RNF180: variants seen among roughly 807,000 people sequenced by gnomAD.
The protein encoded by RNF180 is ring finger protein 180.
Under a neutral mutation model 59.2 loss-of-function variants are expected in RNF180, and 38 were observed. The ratio of observed to expected loss-of-function variants is 0.64; its 90% confidence interval spans 0.50 to 0.84. The LOEUF is 0.84. Ranked by LOEUF, RNF180 falls within the 40% of genes least tolerant of loss-of-function variation. RNF180 has a pLI of 0.00. For missense variants in RNF180, 705 were observed against 700.9 expected, an observed-to-expected ratio of 1.01 and a Z score of -0.07; for synonymous variants, 262 against 240.3, an observed-to-expected ratio of 1.09 and a Z score of -0.84.
intron 1 of RNF180, among the ~76,000 whole-genome samples, chr5:64,178,814 T>TC: frequency 6.6e-6 from 1 of 152,340 alleles, no homozygotes; most frequent in East Asian, 1.9e-4. Context: ...TTTTTCTAAA[T>TC]CAATCAGCGT....
At chr5:64,347,085 T>C (rs1745587728) in intron 7 of RNF180, among the ~76,000 whole-genome samples, 1 of 152,198 alleles carries the variant, frequency 6.6e-6, no homozygotes, top group Non-Finnish European at 1.5e-5. Flanking sequence ...GCATGGCTAT[T>C]GTCCATTTGT....
chr5:64,305,824 T>A (rs771234814), intron 5 of RNF180, among the ~76,000 whole-genome samples: 25 of 151,590 alleles, frequency 1.6e-4, no homozygotes, highest in Non-Finnish European at 3.2e-4. Context: ...AAGGATCTAG[T>A]TAAGAGATCT....
chr5:64,283,421 A>G (rs533216255), intron 5 of RNF180, among the ~76,000 whole-genome samples: 1 of 151,964 alleles, frequency 6.6e-6, no homozygotes, highest in East Asian at 1.9e-4. Flanking sequence ...TTGCTTCTTT[A>G]TCTAGTTTGT....
chr5:64,228,758 C>T (rs1292978638), intron 5 of RNF180, among the ~76,000 whole-genome samples: 2 of 151,902 alleles, frequency 1.3e-5, no homozygotes. Flanking sequence ...GATCACTCAC[C>T]TTTGTTCTCC....
In RNF180 at chr5:64,369,907, G is replaced by A. The variant is rs888770233; in HGVS notation, c.*93G>A. 1 of 656,988 alleles carries A rather than the reference G, an allele frequency of 1.5e-6. No individual in the cohort carries two copies. Among genetic ancestry groups the A allele is most frequent in the African/African-American group, 1.9e-5 (1 of 53,256 alleles). 40.7% of individuals were successfully genotyped at this position (656,988 alleles called of 1,614,324 possible). A position where few individuals can be genotyped will look rare whatever the true frequency, so the allele number is the denominator to read the frequency against. On this transcript the variant is annotated 3_prime_UTR_variant, in exon 8 of 8. Transcript: ENST00000389100. ...AAATGTGCTTTGAAGTTTTTTTAATGTTGCATTATACAAATTGTTGATGTT... is the reference window on the plus strand; with the variant it reads ...AAATGTGCTTTGAAGTTTTTTTAATATTGCATTATACAAATTGTTGATGTT...
chr5:64,177,488 T>C (rs1359933114), intron 1 of RNF180, among the ~76,000 whole-genome samples: 1 of 142,556 alleles, frequency 7.0e-6, no homozygotes, highest in Non-Finnish European at 1.5e-5. Context: ...CATGAACTTG[T>C]TCTCTATCTA....
At chr5:64,346,381 T>C (rs1486966937) in intron 7 of RNF180, among the ~76,000 whole-genome samples, 4 of 142,156 alleles carry the variant, frequency 2.8e-5, no homozygotes, top group Admixed American at 2.8e-4. Context: ...TTTTTTTTTT[T>C]TTTTTCTGAG....
At chr5:64,348,676 A>C (rs1210905087) in intron 7 of RNF180, among the ~76,000 whole-genome samples, 8 of 152,088 alleles carry the variant, frequency 5.3e-5, no homozygotes. Context: ...TTGTCATTAA[A>C]TTAATGGAGT....
chr5:64,318,649 T>C (rs900748945), intron 5 of RNF180, among the ~76,000 whole-genome samples: 11 of 152,176 alleles, frequency 7.2e-5, no homozygotes, highest in African/African-American at 2.2e-4. Flanking sequence ...GTGATACTTA[T>C]TCTGTTTCTT....
intron 5 of RNF180, among the ~76,000 whole-genome samples, chr5:64,231,880 A>G (rs1742122096): frequency 6.6e-6 from 1 of 152,250 alleles, no homozygotes; most frequent in South Asian, 2.1e-4. Context: ...TTTATGAGTC[A>G]AAGAGTAGTG....
chr5:64,226,926 T>G (rs1001546093), intron 5 of RNF180, among the ~76,000 whole-genome samples: 4 of 152,096 alleles, frequency 2.6e-5, no homozygotes, highest in Admixed American at 2.6e-4. Context: ...GTCTTGCAAA[T>G]TGCCAGGAAA....
rs767797938 is a variant in RNF180 at position 64,213,822 on chromosome 5, T to C, written c.496T>C (p.Leu166=). ...CTCTGAAAACAGAAATCACAGGCTT[T>C]TAAACATGGCCCGAAATAATAATGA... ...GGSENRNHRL[L]NMARNNNDPG... is the part of the protein sequence containing the mutation. Residue 166 remains leucine, a synonymous_variant, in exon 4 of 8, where the codon TTA becomes CTA. Coordinates refer to ENST00000389100, the MANE Select transcript of RNF180 (RefSeq NM_001113561.2). The C allele has an allele frequency of 3.7e-6, 6 of 1,613,974 alleles. No individual in the cohort carries two copies. The highest frequency in any genetic ancestry group is 4.2e-6 in the Non-Finnish European group (5 of 1,179,992).
intron 7 of RNF180, among the ~76,000 whole-genome samples, chr5:64,360,870 A>T (rs1268102487): frequency 6.6e-6 from 1 of 151,598 alleles, no homozygotes; most frequent in Admixed American, 6.6e-5. Flanking sequence ...TGATATTCAT[A>T]TATGCAATGG....
intron 5 of RNF180, among the ~76,000 whole-genome samples, chr5:64,234,170 A>G (rs1475570690): frequency 6.6e-6 from 1 of 152,012 alleles, no homozygotes; most frequent in Admixed American, 6.5e-5. Flanking sequence ...GTTAAAAACG[A>G]ATTAAAGTTT....
At chr5:64,283,493 C>A (rs1324488418) in intron 5 of RNF180, among the ~76,000 whole-genome samples, 1 of 151,882 alleles carries the variant, frequency 6.6e-6, no homozygotes, top group Non-Finnish European at 1.5e-5. Context: ...GCTCTGTGTC[C>A]CCACTCAAAT....
rs1376609442 is a variant in RNF180, at chr5:64,184,514, A to G, written c.1-16294A>G. Among the ~76,000 whole-genome samples the G allele has an allele frequency of 2.0e-5, 3 of 152,194 alleles. No individual in the cohort carries two copies. In the East Asian group the frequency reaches 5.8e-4, roughly 29 times the overall value. On this transcript the variant is annotated intron_variant, in intron 1 of 7. Coordinates refer to ENST00000389100, the MANE Select transcript of RNF180 (RefSeq NM_001113561.2). ...CTATACTGAAGAATTTTTGCTCACC[A>G]ACTATTTGGTTACCGTGAAATAGTC...
At chr5:64,184,432 C>T (rs966106039) in intron 1 of RNF180, among the ~76,000 whole-genome samples, 3 of 151,958 alleles carry the variant, frequency 2.0e-5, no homozygotes, top group Non-Finnish European at 2.9e-5. Flanking sequence ...ATTATTTCAT[C>T]GGGGTCAAAA....
intron 5 of RNF180, among the ~76,000 whole-genome samples, chr5:64,247,370 T>C (rs1355723971): frequency 1.3e-5 from 2 of 152,184 alleles, no homozygotes; most frequent in African/African-American, 2.4e-5. Context: ...AATCCCATCG[T>C]CTCAGCCCAA....
intron 7 of RNF180, among the ~76,000 whole-genome samples, chr5:64,360,316 CAT>C (rs1746200239): frequency 6.6e-6 from 1 of 151,656 alleles, no homozygotes; most frequent in Non-Finnish European, 1.5e-5. Context: ...ACAAAAACCA[CAT>C]GATTATCTCA....
Sources: allele counts gnomAD v4.1 joint callset (sites outside exome capture counted in the v4.1 genomes callset), GRCh38; gene constraint gnomAD v4.1.1; transcripts MANE v1.5; gene names NCBI Gene and HGNC (gene_info 2026-07-23, HGNC 2026-07-21).